Variants in RANBP2 observed in about 807,000 individuals in gnomAD.
RANBP2 encodes the protein E3 SUMO-protein ligase RanBP2.
Under a neutral mutation model 303.6 loss-of-function variants are expected in RANBP2, and 57 were observed. The observed-to-expected ratio is 0.19, with a 90% CI of 0.15 to 0.23. The LOEUF (loss-of-function observed/expected upper bound fraction) is 0.23, where lower values mean the gene tolerates loss of function less well. Ranked by LOEUF, RANBP2 falls within the 10% of genes least tolerant of loss-of-function variation. RANBP2 has a pLI of 1.00. For missense variants in RANBP2, 3,138 were observed against 3,780.8 expected, an observed-to-expected ratio of 0.83 and a Z score of 4.46; for synonymous variants, 1,167 against 1,301.5, an observed-to-expected ratio of 0.90 and a Z score of 2.23.
the RANBP2 span, among the ~76,000 whole-genome samples, chr2:109,121,294 CAAG>C: frequency 2.5e-4 from 34 of 138,398 alleles, no homozygotes; most frequent in Non-Finnish European, 4.7e-4. Flanking sequence ...CAAAACAAAA[CAAG>C]AAGTGAAGTT....
chr2:109,023,918 T>TTTTATTTATTTATTTA, the RANBP2 span, among the ~76,000 whole-genome samples: 2 of 151,838 alleles, frequency 1.3e-5, no homozygotes, highest in African/African-American at 2.4e-5. Flanking sequence ...CTGCTTATAT[T>TTTTATTTATTTATTTA]TTTATTTATT....
chr2:109,097,315 AAAAACAAAAC>A, the RANBP2 span, among the ~76,000 whole-genome samples: 101,787 of 148,772 alleles, frequency 0.68, 37,022 homozygotes, highest in Non-Finnish European at 0.82. Flanking sequence ...AAACAAAACA[AAAAACAAAAC>A]AAAACAAAAC....
the RANBP2 span, among the ~76,000 whole-genome samples, chr2:109,489,320 C>T: frequency 6.6e-6 from 1 of 152,224 alleles, no homozygotes. Flanking sequence ...ATCCCACAGC[C>T]ACAGGCCCCC....
chr2:109,371,676 G>A, the RANBP2 span: 14 of 1,613,570 alleles, frequency 8.7e-6, no homozygotes, highest in South Asian at 1.1e-5. Flanking sequence ...GCTCCTGTAC[G>A]TGGAGGTAAG....
At chr2:109,618,109 T>G in the RANBP2 span, 3 of 166,598 alleles carry the variant, frequency 1.8e-5, no homozygotes, top group Non-Finnish European at 2.9e-5. Flanking sequence ...ATATGAACGG[T>G]GTAAATTTGA....
At chr2:109,649,858 T>C in the RANBP2 span, among the ~76,000 whole-genome samples, 1 of 152,232 alleles carries the variant, frequency 6.6e-6, no homozygotes, top group Non-Finnish European at 1.5e-5. Context: ...TTCCCTCTGA[T>C]GTGTTTAAAG....
chr2:109,251,859 G>A, the RANBP2 span, among the ~76,000 whole-genome samples: 1 of 152,064 alleles, frequency 6.6e-6, no homozygotes, highest in African/African-American at 2.4e-5. Flanking sequence ...AGTACATAAT[G>A]AGTTTTAAGA....
intron 6 of RANBP2, among the ~76,000 whole-genome samples, chr2:108,737,301 T>C (rs537251982): frequency 6.6e-6 from 1 of 151,832 alleles, no homozygotes; most frequent in Admixed American, 6.6e-5. Context: ...TCGAAGATCT[T>C]TGTATGTGGG....
At chr2:109,502,519 C>T in the RANBP2 span, 6 of 152,104 alleles carry the variant, frequency 3.9e-5, no homozygotes, top group South Asian at 2.1e-4. Context: ...GGGAGAGCGC[C>T]GAGAAGCCGC....
the RANBP2 span, among the ~76,000 whole-genome samples, chr2:108,915,472 G>C: frequency 2.6e-4 from 39 of 152,226 alleles, no homozygotes; most frequent in South Asian, 2.1e-4. Flanking sequence ...CCTGTCCACT[G>C]AGGGGCAAAT....
the RANBP2 span, among the ~76,000 whole-genome samples, chr2:109,382,710 G>A: frequency 6.6e-6 from 1 of 152,192 alleles, no homozygotes; most frequent in Admixed American, 6.5e-5. Context: ...GAAGAGGAAG[G>A]CTCCATTCTC....
the RANBP2 span, among the ~76,000 whole-genome samples, chr2:109,073,105 T>C: frequency 6.6e-6 from 1 of 152,156 alleles, no homozygotes; most frequent in Non-Finnish European, 1.5e-5. Flanking sequence ...AATGGAGATA[T>C]GTGATTTACC....
At chr2:109,659,234 G>C in the RANBP2 span, among the ~76,000 whole-genome samples, 1 of 151,936 alleles carries the variant, frequency 6.6e-6, no homozygotes, top group Non-Finnish European at 1.5e-5. Context: ...AAAACTAGCT[G>C]GGCGTGGTGG....
chr2:109,063,377 A>G, the RANBP2 span, among the ~76,000 whole-genome samples: 11 of 152,226 alleles, frequency 7.2e-5, no homozygotes, highest in East Asian at 1.9e-3. Context: ...GAGCCCTGGG[A>G]GATCTCGACA....
chr2:109,628,028 G>A, the RANBP2 span, among the ~76,000 whole-genome samples: 1 of 152,114 alleles, frequency 6.6e-6, no homozygotes, highest in Admixed American at 6.6e-5. Flanking sequence ...TGATGGACAT[G>A]GGGCATTGAC....
At chr2:108,816,158 G>A in the RANBP2 span, 5 of 1,382,674 alleles carry the variant, frequency 3.6e-6, no homozygotes, top group African/African-American at 5.8e-5. Context: ...GATTAAAAAA[G>A]GAAAAGCCAG....
intron 6 of RANBP2, among the ~76,000 whole-genome samples, chr2:108,739,786 C>T (rs1426592525): frequency 6.6e-6 from 1 of 152,056 alleles, no homozygotes; most frequent in African/African-American, 2.4e-5. Context: ...GAGTTGAAGA[C>T]CAGCCTGGCC....
the RANBP2 span, among the ~76,000 whole-genome samples, chr2:109,525,517 A>G: frequency 0.047 from 7,088 of 151,914 alleles, 551 homozygotes; most frequent in African/African-American, 0.16. Flanking sequence ...ACAGGCCTAC[A>G]CTCCCCGAGC....
chr2:109,288,470 G>A, the RANBP2 span, among the ~76,000 whole-genome samples: 1 of 152,216 alleles, frequency 6.6e-6, no homozygotes, highest in Non-Finnish European at 1.5e-5. Context: ...AGCCCACAGA[G>A]ATGTCATTAA....
Sources: allele counts gnomAD v4.1 joint callset (sites outside exome capture counted in the v4.1 genomes callset), GRCh38; gene constraint gnomAD v4.1.1; transcripts MANE v1.5; gene names NCBI Gene and HGNC (gene_info 2026-07-23, HGNC 2026-07-21).